The following MLIP variants were observed in gnomAD, a reference collection of about 807,000 sequenced individuals.
The protein encoded by MLIP is muscular LMNA-interacting protein.
A neutral mutation model predicts 84.8 loss-of-function variants in MLIP; 79 were observed. The ratio of observed to expected loss-of-function variants is 0.93; its 90% CI spans 0.78 to 1.12. The LOEUF is 1.12. MLIP is among the 50% of genes most tolerant of loss of function. The probability of loss-of-function intolerance (pLI) is 0.00; values close to 1 mark genes in which losing one functional copy is unlikely to be tolerated. For synonymous variants in MLIP, 504 were observed against 463.0 expected, an observed-to-expected ratio of 1.09 and a Z score of -1.14; for missense variants, 1,257 against 1,160.6, an observed-to-expected ratio of 1.08 and a Z score of -1.21.
chr6:54,050,770 A>G (rs1354072196), intron 1 of MLIP, among the ~76,000 whole-genome samples: 1 of 152,146 alleles, frequency 6.6e-6, no homozygotes, highest in African/African-American at 2.4e-5. Context: ...TATGGGCATC[A>G]TGGTATTATT....
At chr6:54,075,189 G>A (rs1254240550) in intron 1 of MLIP, among the ~76,000 whole-genome samples, 3 of 146,904 alleles carry the variant, frequency 2.0e-5, no homozygotes, top group Non-Finnish European at 3.0e-5. Flanking sequence ...AGAGATTGTG[G>A]TGAGCCAAGA....
At chr6:54,112,247 C>A (rs1040252364) in intron 1 of MLIP, among the ~76,000 whole-genome samples, 12 of 152,186 alleles carry the variant, frequency 7.9e-5, no homozygotes, top group Admixed American at 7.2e-4. Flanking sequence ...TACATTGGAA[C>A]TTAGCCACAG....
chr6:54,144,435 T>G (rs1306403269), intron 4 of MLIP, among the ~76,000 whole-genome samples: 1 of 152,186 alleles, frequency 6.6e-6, no homozygotes, highest in Non-Finnish European at 1.5e-5. Flanking sequence ...CAGGGACCAG[T>G]TTTATGGAAG....
chr6:54,257,215 T>C, intron 12 of MLIP, 93 bp from the exon 13 acceptor site: 1 of 849,578 alleles, frequency 1.2e-6, no homozygotes, highest in Non-Finnish European at 1.9e-6. Flanking sequence ...ATAAAATATT[T>C]ATGTCATTGT....
chr6:54,100,894 T>C (rs1246734524), intron 1 of MLIP, among the ~76,000 whole-genome samples: 1 of 152,160 alleles, frequency 6.6e-6, no homozygotes, highest in South Asian at 2.1e-4. Context: ...TTGCCCAGGA[T>C]GAAAATTACT....
chr6:54,089,402 A>G (rs1326481577), intron 1 of MLIP, among the ~76,000 whole-genome samples: 1 of 152,108 alleles, frequency 6.6e-6, no homozygotes, highest in Non-Finnish European at 1.5e-5. Context: ...CCACAGGATA[A>G]TTTTACTCCC....
intron 11 of MLIP, chr6:54,216,617 A>G: frequency 3.1e-6 from 3 of 971,598 alleles, no homozygotes; most frequent in Non-Finnish European, 2.4e-6. Context: ...CTTTTTTTAT[A>G]TAGAGGATTT....
chr6:54,265,356 T>C (rs572174727), intron 13 of MLIP, among the ~76,000 whole-genome samples: 12 of 152,198 alleles, frequency 7.9e-5, no homozygotes, highest in African/African-American at 2.6e-4. Flanking sequence ...CCCTATCATA[T>C]AGGAACAGAG....
At chr6:54,084,760 T>C (rs558053483) in intron 1 of MLIP, among the ~76,000 whole-genome samples, 1 of 152,312 alleles carries the variant, frequency 6.6e-6, no homozygotes, top group East Asian at 1.9e-4. Context: ...GTTCCCAATA[T>C]ATCCCTGTTA....
At chr6:54,226,644 AC>A (rs1159605520) in intron 11 of MLIP, among the ~76,000 whole-genome samples, 1 of 151,708 alleles carries the variant, frequency 6.6e-6, no homozygotes, top group Non-Finnish European at 1.5e-5. Context: ...AATAAAACAA[AC>A]AAACAAACAA....
intron 1 of MLIP, among the ~76,000 whole-genome samples, chr6:54,070,379 G>T (rs1159208509): frequency 2.0e-5 from 3 of 152,112 alleles, no homozygotes; most frequent in Non-Finnish European, 4.4e-5. Flanking sequence ...TAAGAATCCA[G>T]TGCTTTAAGC....
At chr6:54,054,082 C>T (rs1765512658) in intron 1 of MLIP, among the ~76,000 whole-genome samples, 1 of 152,118 alleles carries the variant, frequency 6.6e-6, no homozygotes, top group South Asian at 2.1e-4. Flanking sequence ...AGGAATGTGG[C>T]ATATGTACAA....
intron 12 of MLIP, among the ~76,000 whole-genome samples, chr6:54,235,412 G>A (rs1171018251): frequency 6.6e-6 from 1 of 152,000 alleles, no homozygotes; most frequent in Non-Finnish European, 1.5e-5. Flanking sequence ...ATTTCTCCAT[G>A]CATCAGTACT....
At chr6:54,178,919 T>C (rs541203344) in intron 9 of MLIP, among the ~76,000 whole-genome samples, 7 of 152,328 alleles carry the variant, frequency 4.6e-5, no homozygotes, top group South Asian at 2.1e-4. Context: ...CTATTTGGTC[T>C]ATAGTGCAGA....
At chr6:54,143,021 T>A (rs547933229) in intron 4 of MLIP, among the ~76,000 whole-genome samples, 2 of 152,250 alleles carry the variant, frequency 1.3e-5, no homozygotes, top group East Asian at 3.9e-4. Context: ...TTCTTGAGAA[T>A]CCTTGACTTT....
At chr6:54,258,081 A>T (rs185307702) in intron 13 of MLIP, among the ~76,000 whole-genome samples, 1 of 152,212 alleles carries the variant, frequency 6.6e-6, no homozygotes, top group East Asian at 1.9e-4. Context: ...CCCTCAGATA[A>T]AGTGGAAAAT....
At chr6:54,088,596 C>T (rs1254492722) in intron 1 of MLIP, among the ~76,000 whole-genome samples, 5 of 152,056 alleles carry the variant, frequency 3.3e-5, no homozygotes, top group East Asian at 1.9e-4. Flanking sequence ...CTTTGGTGAC[C>T]GTTGTTTATC....
intron 12 of MLIP, among the ~76,000 whole-genome samples, chr6:54,246,336 T>C (rs1175191401): frequency 6.6e-6 from 1 of 152,196 alleles, no homozygotes; most frequent in African/African-American, 2.4e-5. Context: ...TATATGTTTA[T>C]GATAGTCATA....
intron 11 of MLIP, among the ~76,000 whole-genome samples, chr6:54,210,141 C>CTCACA (rs1779332825): frequency 9.3e-6 from 1 of 107,468 alleles, no homozygotes; most frequent in South Asian, 2.3e-4. Context: ...CTCACCTCAC[C>CTCACA]GCACCGCACC....
Sources: allele counts gnomAD v4.1 joint callset (sites outside exome capture counted in the v4.1 genomes callset), GRCh38; gene constraint gnomAD v4.1.1; transcripts MANE v1.5; gene names NCBI Gene and HGNC (gene_info 2026-07-23, HGNC 2026-07-21).